CNNM3: variants seen among roughly 807,000 people sequenced by gnomAD.
CNNM3 encodes the protein cyclin and CBS domain divalent metal cation transport mediator 3.
In CNNM3, 47 loss-of-function variants were observed where a neutral mutation model predicts 57.1. The ratio of observed to expected loss-of-function variants is 0.82; its 90% confidence interval spans 0.65 to 1.05. The LOEUF is 1.05. Ranked by LOEUF, CNNM3 falls within the 50% of genes least tolerant of loss-of-function variation. CNNM3 has a pLI of 0.00. For synonymous variants in CNNM3, 507 were observed against 478.2 expected (o/e 1.06, Z -0.79); for missense variants, 957 against 973.7 (o/e 0.98, Z 0.23).
At position 96,817,036 on chromosome 2, in the gene CNNM3, G is replaced by T; in HGVS notation, c.759G>T (p.Pro253=). The change falls in exon 1 of 8, where the codon CCG becomes CCT. Residue 253 remains proline, a synonymous_variant. Transcript: ENST00000305510. ...VSGRWTLALA[P]RALGLSRLAV... ...GGCGCTGGACGCTGGCGCTGGCGCC[G>T]CGAGCGCTCGGCCTCAGCCGCCTGG... The T allele has an allele frequency of 1.5e-6, 2 of 1,368,066 alleles. No homozygotes were observed. The highest frequency in any genetic ancestry group is 3.4e-5 in the East Asian group (1 of 29,134). The allele number at this position is 1,368,066 out of a possible 1,614,324, so 84.7% of individuals were successfully genotyped here.
Position 96,832,765 on chromosome 2 carries a change from A to G in CNNM3, c.*149A>G. 3 of 1,512,820 alleles carry G rather than the reference A, an allele frequency of 2.0e-6. No individual in the cohort carries two copies. The highest frequency in any genetic ancestry group is 2.6e-6 in the Non-Finnish European group (3 of 1,133,894). The allele number at this position is 1,512,820 out of a possible 1,614,324, so 93.7% of individuals were successfully genotyped here. A position where few individuals can be genotyped will look rare whatever the true frequency, so the allele number is the denominator to read the frequency against. Reference sequence around the variant, plus strand: ...GTAGTTGCGGGTCCTGGGTGTCCTCAGAACTAGACATCAATGCCTGGATCC... The same window carrying G: ...GTAGTTGCGGGTCCTGGGTGTCCTCGGAACTAGACATCAATGCCTGGATCC... On this transcript the variant is annotated 3_prime_UTR_variant, in exon 8 of 8. Transcript: ENST00000305510.
chr2:96,823,977 T>A (rs1386330890), intron 1 of CNNM3, among the ~76,000 whole-genome samples: 1 of 152,252 alleles, frequency 6.6e-6, no homozygotes, highest in African/African-American at 2.4e-5. Flanking sequence ...TTTTTTGTAT[T>A]GATTACGTAT....
In CNNM3 at chr2:96,823,388, A is replaced by G. The variant is rs534416703; in HGVS notation, c.1226-1670A>G. 3.9e-5 allele frequency among the ~76,000 whole-genome samples: 6 copies of G among 152,292 alleles called. No homozygotes were observed. The South Asian group carries it at 1.0e-3, about 26-fold the overall frequency. On this transcript the variant is annotated intron_variant, in intron 1 of 7. Coordinates refer to ENST00000305510, the MANE Select transcript of CNNM3 (RefSeq NM_017623.5). Reference sequence around the variant, plus strand: ...AATCCAAGACATTAACCAAAACCACATGTCGCACTTGGCCTTCCTGGCCTG... The same window carrying G: ...AATCCAAGACATTAACCAAAACCACGTGTCGCACTTGGCCTTCCTGGCCTG...
chr2:96,828,812 G>A lies in CNNM3; in HGVS notation c.1920+112G>A. 4 of 1,504,834 alleles carry A rather than the reference G, an allele frequency of 2.7e-6. 1 individual carries two copies. Among genetic ancestry groups the A allele is most frequent in the South Asian group, 2.4e-5 (2 of 81,738 alleles). 93.2% of individuals were successfully genotyped at this position (1,504,834 alleles called of 1,614,324 possible). A position where few individuals can be genotyped will look rare whatever the true frequency, so the allele number is the denominator to read the frequency against. On this transcript the variant is annotated intron_variant, in intron 6 of 7. Coordinates refer to ENST00000305510, the MANE Select transcript of CNNM3 (RefSeq NM_017623.5). ...ACAAGGCCTTCCACTCATCCTGAGG[G>A]ACACAGACCTTTGCACCCAGTTTCC...
Position 96,832,844 on chromosome 2 carries a change from C to G in CNNM3, c.*228C>G. The G allele has an allele frequency of 6.6e-7, 1 of 1,513,042 alleles. No homozygotes were observed. The highest frequency in any genetic ancestry group is 8.8e-7 in the Non-Finnish European group (1 of 1,132,744). 93.7% of individuals were successfully genotyped at this position (1,513,042 alleles called of 1,614,324 possible). ...ACAGGAGTCACCAGGGCACAGCCCT[C>G]CAGGCCCGCCTCAGGAAGGAATGAA... is the stretch of plus-strand genomic sequence containing the variant. On this transcript the variant is annotated 3_prime_UTR_variant, in exon 8 of 8. Coordinates refer to ENST00000305510, the MANE Select transcript of CNNM3 (RefSeq NM_017623.5).
intron 1 of CNNM3, among the ~76,000 whole-genome samples, chr2:96,821,314 G>A (rs1197736485): frequency 6.6e-6 from 1 of 152,096 alleles, no homozygotes; most frequent in Non-Finnish European, 1.5e-5. Context: ...AGGAACAAAG[G>A]GCATATTGCA....
intron 4 of CNNM3, 44 bp from the exon 5 acceptor site, chr2:96,828,055 G>T: frequency 6.3e-7 from 1 of 1,595,270 alleles, no homozygotes; most frequent in South Asian, 1.1e-5. Context: ...TGACGGGAAA[G>T]GTAATCTGGC....
intron 2 of CNNM3, 131 bp from the exon 3 acceptor site, chr2:96,826,702 G>A (rs1354845797): frequency 6.7e-6 from 7 of 1,049,586 alleles, no homozygotes; most frequent in African/African-American, 1.6e-5. Flanking sequence ...ACATGTCCCT[G>A]GCGTTCCGAT....
downstream of CNNM3, among the ~76,000 whole-genome samples, chr2:96,835,469 C>T (rs200433798): frequency 7.3e-6 from 1 of 137,590 alleles, no homozygotes; most frequent in Non-Finnish European, 1.6e-5. Flanking sequence ...AACAATCAAA[C>T]TTTTTTTTTT....
In CNNM3 at chr2:96,832,915, TC is replaced by T; in HGVS notation, c.*304del. ...TTCCCAGGGCCCAGCCTTCCCCTTC[TC>T]CCCCGGGGCAGGGACAGTGCGGCAT... On this transcript the variant is annotated 3_prime_UTR_variant, in exon 8 of 8. Transcript: ENST00000305510. 4.9e-6 allele frequency: 7 copies of T among 1,440,284 alleles called. No homozygotes were observed. The highest frequency in any genetic ancestry group is 4.6e-6 in the Non-Finnish European group (5 of 1,086,188). The allele number at this position is 1,440,284 out of a possible 1,614,324, so 89.2% of individuals were successfully genotyped here.
chr2:96,818,865 A>G (rs1332648014), intron 1 of CNNM3, among the ~76,000 whole-genome samples: 1 of 152,216 alleles, frequency 6.6e-6, no homozygotes, highest in Non-Finnish European at 1.5e-5. Context: ...AAGAAGTGGC[A>G]AAGCCCCCTG....
chr2:96,818,795 G>T (rs149472986), intron 1 of CNNM3, among the ~76,000 whole-genome samples: 4 of 152,308 alleles, frequency 2.6e-5, no homozygotes, highest in African/African-American at 9.6e-5. Context: ...GTAGGGTGAG[G>T]GTGGGAGCAC....
At position 96,816,504 on chromosome 2, in the gene CNNM3, G is replaced by C. The variant is rs1051163871; in HGVS notation, c.227G>C (p.Trp76Ser). The C allele has an allele frequency of 7.0e-7, 1 of 1,423,476 alleles. No homozygotes were observed. The highest frequency in any genetic ancestry group is 1.5e-5 in the African/African-American group (1 of 66,914). 88.2% of individuals were successfully genotyped at this position (1,423,476 alleles called of 1,614,324 possible). ...LFGPGFANSS[W>S]SWVAPEGAGC... The stretch of plus-strand genomic sequence containing the variant: ...GGCCCGGGCTTCGCCAACAGCTCTT[G>C]GTCCTGGGTGGCCCCGGAGGGGGCG... Residue 76 changes from tryptophan (W) to serine (S), a missense_variant, in exon 1 of 8, where the codon TGG becomes TCG. By Grantham distance (177) the Trp-to-Ser change is radical. Around this residue, in one of 2 missense-constraint regions of CNNM3, gnomAD observed 466 missense variants for 403.1 expected, o/e 1.16. Transcript: ENST00000305510.
chr2:96,832,994 C>A lies in CNNM3; in HGVS notation c.*378C>A. The A allele has an allele frequency of 7.5e-7, 1 of 1,335,204 alleles. No individual in the cohort carries two copies. The highest frequency in any genetic ancestry group is 9.8e-7 in the Non-Finnish European group (1 of 1,018,642). The allele number at this position is 1,335,204 out of a possible 1,614,324, so 82.7% of individuals were successfully genotyped here. A position where few individuals can be genotyped will look rare whatever the true frequency, so the allele number is the denominator to read the frequency against. On this transcript the variant is annotated 3_prime_UTR_variant, in exon 8 of 8. Coordinates refer to ENST00000305510, the MANE Select transcript of CNNM3 (RefSeq NM_017623.5). ...GCCACCTTGTGAGTGCAGTTACTGC[C>A]TTTGTGTGGCCGTGACCTCTATTTG...
chr2:96,828,356 G>C, intron 5 of CNNM3, 161 bp downstream of exon 5: 2 of 817,706 alleles, frequency 2.4e-6, no homozygotes, highest in South Asian at 1.7e-5. Context: ...AGGGAGGGCA[G>C]CATTCTTCAT....
In CNNM3 at chr2:96,825,284, C is replaced by T. The variant is rs2079481715; in HGVS notation, c.1369+83C>T. 23 of 1,515,220 alleles carry T rather than the reference C, an allele frequency of 1.5e-5. 1 individual carries two copies. In the South Asian group the frequency reaches 2.6e-4, roughly 17 times the overall value. The allele number at this position is 1,515,220 out of a possible 1,614,324, so 93.9% of individuals were successfully genotyped here. A position where few individuals can be genotyped will look rare whatever the true frequency, so the allele number is the denominator to read the frequency against. On this transcript the variant is annotated intron_variant, in intron 2 of 7. Coordinates refer to ENST00000305510, the MANE Select transcript of CNNM3 (RefSeq NM_017623.5). ...TATGTTGCGTCAGAGGCCAGTGGGC[C>T]TCTGTGCTGCTGGAACCCAGCAAGA...
chr2:96,816,283 G>T lies in CNNM3; in HGVS notation c.6G>T (p.Ala2=), dbSNP rs770800211. M[A]AAVAAAGRLG... ...CCGAGAGGGGGCAGCAGGCGATGGCGGCGGCGGTAGCTGCGGCGGGTCGGT... is the reference window on the plus strand; with the variant it reads ...CCGAGAGGGGGCAGCAGGCGATGGCTGCGGCGGTAGCTGCGGCGGGTCGGT... The change falls in exon 1 of 8, where the codon GCG becomes GCT. Residue 2 remains alanine (A), a synonymous_variant. Coordinates refer to ENST00000305510, the MANE Select transcript of CNNM3 (RefSeq NM_017623.5). The T allele has an allele frequency of 7.7e-7, 1 of 1,305,292 alleles. No homozygotes were observed. Among genetic ancestry groups the T allele is most frequent in the South Asian group, 2.5e-5 (1 of 40,248 alleles). 80.9% of individuals were successfully genotyped at this position (1,305,292 alleles called of 1,614,324 possible). A position where few individuals can be genotyped will look rare whatever the true frequency, so the allele number is the denominator to read the frequency against.
At chr2:96,829,179 G>A (rs1488694828) in intron 7 of CNNM3, 45 bp downstream of exon 7, 2 of 1,596,492 alleles carry the variant, frequency 1.3e-6, no homozygotes, top group Admixed American at 3.4e-5. Flanking sequence ...GGACCTGAGG[G>A]CCGTGAGCTC....
chr2:96,827,583 T>G, intron 3 of CNNM3, 148 bp from the exon 4 acceptor site: 1 of 684,654 alleles, frequency 1.5e-6, no homozygotes, highest in Non-Finnish European at 2.4e-6. Context: ...CTAGTTCTCT[T>G]GTGTTGAGGT....
Sources: allele counts gnomAD v4.1 joint callset (sites outside exome capture counted in the v4.1 genomes callset), GRCh38; gene constraint gnomAD v4.1.1; regional missense constraint gnomAD v4.1.1; transcripts MANE v1.5; gene names NCBI Gene and HGNC (gene_info 2026-07-23, HGNC 2026-07-21).